The following SLC25A37 variants were observed in gnomAD, a reference collection of about 807,000 sequenced individuals.
SLC25A37 encodes solute carrier family 25 member 37.
Under a neutral mutation model 31.0 loss-of-function variants are expected in SLC25A37, and 17 were observed. The ratio of observed to expected loss-of-function variants is 0.55; its 90% CI spans 0.38 to 0.82. The LOEUF is 0.82. Ranked by LOEUF, SLC25A37 falls within the 40% of genes least tolerant of loss-of-function variation. The pLI is 0.00. For synonymous variants in SLC25A37, 222 were observed against 193.0 expected (o/e 1.15, Z -1.24); for missense variants, 404 against 465.8 (o/e 0.87, Z 1.22).
At chr8:23,539,180 TC>T (rs1801839664) in intron 1 of SLC25A37, among the ~76,000 whole-genome samples, 2 of 152,260 alleles carry the variant, frequency 1.3e-5, no homozygotes, top group African/African-American at 4.8e-5. Flanking sequence ...TAGGGAGAAA[TC>T]CCAGCAGCAG....
chr8:23,557,250 G>A (rs1406679998), intron 1 of SLC25A37, among the ~76,000 whole-genome samples: 1 of 152,186 alleles, frequency 6.6e-6, no homozygotes, highest in Non-Finnish European at 1.5e-5. Flanking sequence ...TAGGAAGGGA[G>A]CAGGTTTGAG....
At chr8:23,564,327 A>G (rs1802593089) in intron 1 of SLC25A37, among the ~76,000 whole-genome samples, 1 of 152,098 alleles carries the variant, frequency 6.6e-6, no homozygotes, top group Non-Finnish European at 1.5e-5. Flanking sequence ...GGAGCCCCAG[A>G]GAGTCCTTTG....
intron 2 of SLC25A37, chr8:23,566,852 G>A (rs892408198): frequency 1.1e-5 from 11 of 984,640 alleles, no homozygotes; most frequent in Middle Eastern, 5.2e-4. Flanking sequence ...CTCGCGCAAC[G>A]CAGAAGGCCT....
At chr8:23,540,410 C>T (rs12545719) in intron 1 of SLC25A37, among the ~76,000 whole-genome samples, 9,620 of 152,164 alleles carry the variant, frequency 0.063, 660 homozygotes, top group East Asian at 0.34. Context: ...GATGGAGGAA[C>T]CAGAGTTGAG....
At chr8:23,549,710 C>CGTTTCTCTGACCT (rs763625263) in intron 1 of SLC25A37, among the ~76,000 whole-genome samples, 1 of 141,066 alleles carries the variant, frequency 7.1e-6, no homozygotes, top group African/African-American at 3.0e-5. Context: ...TGGTTAGTCA[C>CGTTTCTCTGACCT]TATCAAGTTA....
chr8:23,533,620 T>A (rs73553670), intron 1 of SLC25A37, among the ~76,000 whole-genome samples: 1 of 152,248 alleles, frequency 6.6e-6, no homozygotes, highest in Admixed American at 6.5e-5. Context: ...TTCTTCTGAC[T>A]CATCGGATGA....
Position 23,571,970 on chromosome 8 carries a change from T to G in SLC25A37, c.*115T>G. On this transcript the variant is annotated 3_prime_UTR_variant, in exon 4 of 4. Coordinates refer to ENST00000519973, the MANE Select transcript of SLC25A37 (RefSeq NM_016612.4). Reference sequence around the variant, plus strand: ...TGCAGGGTGCTGCCTATGGGCCCTCTGCTCCCCAATGCCTTAGAGAGAGGA... The same window carrying G: ...TGCAGGGTGCTGCCTATGGGCCCTCGGCTCCCCAATGCCTTAGAGAGAGGA... 2 of 1,133,976 alleles carry G rather than the reference T, an allele frequency of 1.8e-6. No individual in the cohort carries two copies. The highest frequency in any genetic ancestry group is 2.5e-6 in the Non-Finnish European group (2 of 800,910). 70.2% of individuals were successfully genotyped at this position (1,133,976 alleles called of 1,614,324 possible).
At position 23,571,929 on chromosome 8, in the gene SLC25A37, T is replaced by C; in HGVS notation, c.*74T>C. The C allele has an allele frequency of 6.7e-7, 1 of 1,485,814 alleles. No homozygotes were observed. The highest frequency in any genetic ancestry group is 9.0e-7 in the Non-Finnish European group (1 of 1,108,754). 92.0% of individuals were successfully genotyped at this position (1,485,814 alleles called of 1,614,324 possible). ...CAGCCCCTTGCCCTCTCCTCACACG[T>C]AGATCATTTTTTTTTTGCAGGGTGC... is the stretch of plus-strand genomic sequence containing the variant. On this transcript the variant is annotated 3_prime_UTR_variant, in exon 4 of 4. Transcript: ENST00000519973.
intron 1 of SLC25A37, among the ~76,000 whole-genome samples, chr8:23,551,705 G>A (rs1465703849): frequency 6.6e-6 from 1 of 152,122 alleles, no homozygotes; most frequent in Non-Finnish European, 1.5e-5. Flanking sequence ...CCCACTTACA[G>A]ATAAGAAAAC....
intron 1 of SLC25A37, among the ~76,000 whole-genome samples, chr8:23,542,377 CTT>C (rs59713954): frequency 1.0e-4 from 12 of 118,120 alleles, no homozygotes; most frequent in Admixed American, 9.8e-5. Context: ...TGTACTCCTA[CTT>C]TTTTTTTTTT....
intron 1 of SLC25A37, among the ~76,000 whole-genome samples, chr8:23,561,934 G>A (rs2942200): frequency 0.35 from 52,765 of 152,072 alleles, 9,469 homozygotes; most frequent in African/African-American, 0.43. Flanking sequence ...ATGAGATGCC[G>A]TGACCAAGGT....
intron 1 of SLC25A37, among the ~76,000 whole-genome samples, chr8:23,553,480 T>C (rs551147952): frequency 6.6e-5 from 10 of 152,296 alleles, no homozygotes; most frequent in African/African-American, 2.4e-4. Context: ...GAGGCATTTC[T>C]TCCTTACTTA....
intron 2 of SLC25A37, chr8:23,567,810 CCTCTT>C (rs1311750743): frequency 6.5e-6 from 1 of 152,842 alleles, no homozygotes; most frequent in Non-Finnish European, 1.4e-5. Context: ...TTCCTGATTT[CCTCTT>C]CTCTTGCCCA....
intron 1 of SLC25A37, among the ~76,000 whole-genome samples, chr8:23,564,183 G>A (rs2928686): frequency 0.27 from 41,586 of 151,754 alleles, 5,814 homozygotes; most frequent in African/African-American, 0.29. Flanking sequence ...TTGCCTTGGT[G>A]TGTCCATTTC....
rs748649907 is a variant in SLC25A37 at position 23,573,149 on chromosome 8, A to G, written c.*1294A>G. On this transcript the variant is annotated 3_prime_UTR_variant, in exon 4 of 4. Transcript: ENST00000519973. ...ACTGCATGTGACAAGAGCCAGGCCT[A>G]TCTGCTAGGGCCCTGCGGCTGAGGT... The G allele has an allele frequency of 6.6e-6, 1 of 152,214 alleles. No individual in the cohort carries two copies. Among genetic ancestry groups the G allele is most frequent in the African/African-American group, 2.4e-5 (1 of 41,378 alleles). The allele number at this position is 152,214 out of a possible 1,614,324, so 9.4% of individuals were successfully genotyped here.
rs1285293422 is a variant in SLC25A37, at chr8:23,571,927, C to T, written c.*72C>T. 6 of 1,495,256 alleles carry T rather than the reference C, an allele frequency of 4.0e-6. No individual in the cohort carries two copies. In the East Asian group the frequency reaches 9.2e-5, roughly 23 times the overall value. 92.6% of individuals were successfully genotyped at this position (1,495,256 alleles called of 1,614,324 possible). ...TCCAGCCCCTTGCCCTCTCCTCACA[C>T]GTAGATCATTTTTTTTTTGCAGGGT... On this transcript the variant is annotated 3_prime_UTR_variant, in exon 4 of 4. Transcript: ENST00000519973.
At chr8:23,531,006 G>A (rs569255656) in intron 1 of SLC25A37, among the ~76,000 whole-genome samples, 4 of 152,204 alleles carry the variant, frequency 2.6e-5, no homozygotes, top group Non-Finnish European at 4.4e-5. Context: ...TTCCATAGCA[G>A]TTTTCACCTG....
chr8:23,551,045 G>A (rs1313385192), intron 1 of SLC25A37, among the ~76,000 whole-genome samples: 5 of 152,236 alleles, frequency 3.3e-5, no homozygotes, highest in African/African-American at 1.2e-4. Flanking sequence ...CCAGTCAGCA[G>A]TGTCGGGAAT....
intron 2 of SLC25A37, chr8:23,566,581 GTTT>G (rs1401826656): frequency 2.7e-5 from 34 of 1,261,074 alleles, no homozygotes; most frequent in Non-Finnish European, 3.2e-5. Context: ...TGACAGAGGT[GTTT>G]TGGTTTTATT....
Sources: allele counts gnomAD v4.1 joint callset (sites outside exome capture counted in the v4.1 genomes callset), GRCh38; gene constraint gnomAD v4.1.1; transcripts MANE v1.5; gene names NCBI Gene and HGNC (gene_info 2026-07-23, HGNC 2026-07-21).